Variants in SRPK2 observed in about 807,000 individuals in gnomAD.
SRPK2 encodes the protein SRSF protein kinase 2.
In SRPK2, 21 loss-of-function variants were observed where a neutral mutation model predicts 90.8. That is an observed-to-expected ratio of 0.23 (90% CI 0.16 to 0.33). The LOEUF is 0.33. Among genes scored for constraint, SRPK2 ranks in the 10% least tolerant of loss-of-function variants. SRPK2 has a pLI of 1.00. For missense variants in SRPK2, 620 were observed against 869.0 expected, an observed-to-expected ratio of 0.71 and a Z score of 3.60; for synonymous variants, 288 against 311.1, an observed-to-expected ratio of 0.93 and a Z score of 0.78.
At chr7:105,370,915 C>T (rs1181767690) in intron 2 of SRPK2, among the ~76,000 whole-genome samples, 1 of 151,748 alleles carries the variant, frequency 6.6e-6, no homozygotes, top group Non-Finnish European at 1.5e-5. Flanking sequence ...TGCGCCCGGC[C>T]GGATTATTAA....
At chr7:105,392,686 C>T (rs1157475658), upstream of SRPK2, among the ~76,000 whole-genome samples, 2 of 151,460 alleles carry the variant, frequency 1.3e-5, no homozygotes, top group East Asian at 2.0e-4. Context: ...TTAGTAGACA[C>T]GGGTTTTCAC....
At chr7:105,139,234 G>A (rs982172725) in intron 11 of SRPK2, among the ~76,000 whole-genome samples, 19 of 152,140 alleles carry the variant, frequency 1.2e-4, no homozygotes, top group African/African-American at 4.6e-4. Context: ...GGAAGGGCAT[G>A]CTGAAAGGCA....
chr7:105,196,566 C>A (rs1252843911), intron 3 of SRPK2, among the ~76,000 whole-genome samples: 4 of 152,178 alleles, frequency 2.6e-5, no homozygotes, highest in African/African-American at 4.8e-5. Flanking sequence ...CAGCCCGTCA[C>A]GGCAAGCAAA....
rs554151046 is a variant in SRPK2 at position 105,370,804 on chromosome 7, C to G, written c.71+17844G>C. ...CTAATTTTTTGTATTTTAGTAGAGA[C>G]AGGGTTTTACCATGTTGCCCAGGCT... is the stretch of plus-strand genomic sequence containing the variant. On this transcript the variant is annotated intron_variant, in intron 2 of 15. Transcript: ENST00000393651. Among the ~76,000 whole-genome samples, 14 of 151,898 alleles carry G rather than the reference C, an allele frequency of 9.2e-5. No individual in the cohort carries two copies. In the East Asian group the frequency reaches 2.1e-3, roughly 23 times the overall value.
chr7:105,161,536 C>T (rs1807661217), intron 6 of SRPK2, among the ~76,000 whole-genome samples: 1 of 152,086 alleles, frequency 6.6e-6, no homozygotes. Flanking sequence ...TTAGAAAGTG[C>T]CAGGTGGCTG....
chr7:105,281,409 C>T (rs1298581744), intron 2 of SRPK2, among the ~76,000 whole-genome samples: 1 of 152,112 alleles, frequency 6.6e-6, no homozygotes, highest in Non-Finnish European at 1.5e-5. Flanking sequence ...TAACTTTCAA[C>T]TGCAAAAACC....
At chr7:105,196,234 A>G (rs76242148) in intron 3 of SRPK2, among the ~76,000 whole-genome samples, 2,042 of 152,348 alleles carry the variant, frequency 0.013, 50 homozygotes, top group African/African-American at 0.046. Flanking sequence ...GCTTGAATTA[A>G]GCCAAATTAA....
At chr7:105,257,744 A>G (rs1041705027) in intron 2 of SRPK2, among the ~76,000 whole-genome samples, 2 of 152,218 alleles carry the variant, frequency 1.3e-5, no homozygotes, top group Non-Finnish European at 2.9e-5. Context: ...TGGAGACACA[A>G]AGATTCCTTT....
At chr7:105,177,895 G>A (rs558340123) in intron 3 of SRPK2, among the ~76,000 whole-genome samples, 134 of 151,884 alleles carry the variant, frequency 8.8e-4, no homozygotes, top group Non-Finnish European at 1.4e-3. Flanking sequence ...TGGGCATAGT[G>A]GCGGGCGCCT....
chr7:105,221,384 T>C (rs1415180020), intron 2 of SRPK2, among the ~76,000 whole-genome samples: 1 of 152,204 alleles, frequency 6.6e-6, no homozygotes, highest in East Asian at 1.9e-4. Flanking sequence ...GATACCCACT[T>C]TTCTCACCAA....
chr7:105,145,249 T>C, intron 9 of SRPK2, 34 bp downstream of exon 9: 1 of 1,537,432 alleles, frequency 6.5e-7, no homozygotes, highest in Non-Finnish European at 8.8e-7. Context: ...TCTTTTAACA[T>C]GGTGCATATA....
At chr7:105,181,149 A>G (rs1303361657) in intron 3 of SRPK2, among the ~76,000 whole-genome samples, 3 of 152,246 alleles carry the variant, frequency 2.0e-5, no homozygotes, top group Admixed American at 6.5e-5. Context: ...AGAGAAATGC[A>G]AATTGAAACC....
intron 13 of SRPK2, among the ~76,000 whole-genome samples, chr7:105,132,275 G>A (rs1000069297): frequency 1.3e-5 from 2 of 152,344 alleles, no homozygotes; most frequent in East Asian, 3.9e-4. Flanking sequence ...TAAGGGAAGA[G>A]AGATTATGCA....
chr7:105,126,131 G>T, intron 15 of SRPK2, 117 bp downstream of exon 15: 1 of 874,986 alleles, frequency 1.1e-6, no homozygotes. Context: ...TAGGAATTCT[G>T]CTGGGTTGCG....
At chr7:105,153,371 T>C (rs1469427422) in intron 7 of SRPK2, among the ~76,000 whole-genome samples, 1 of 152,160 alleles carries the variant, frequency 6.6e-6, no homozygotes, top group Non-Finnish European at 1.5e-5. Context: ...ATAAGGGGCT[T>C]GGTTAAAATG....
chr7:105,249,078 A>C (rs1396455579), intron 2 of SRPK2, among the ~76,000 whole-genome samples: 2 of 152,224 alleles, frequency 1.3e-5, no homozygotes, highest in South Asian at 2.1e-4. Context: ...TTCTTGAGGC[A>C]TATAAATGGA....
chr7:105,240,899 G>C (rs1025303808), intron 2 of SRPK2, among the ~76,000 whole-genome samples: 1 of 152,124 alleles, frequency 6.6e-6, no homozygotes, highest in Non-Finnish European at 1.5e-5. Flanking sequence ...TCAGTACTAT[G>C]CCAGTTCACA....
chr7:105,279,656 T>C (rs1250447536), intron 2 of SRPK2, among the ~76,000 whole-genome samples: 1 of 152,244 alleles, frequency 6.6e-6, no homozygotes, highest in African/African-American at 2.4e-5. Flanking sequence ...AATACAACAA[T>C]GTATTAAATA....
chr7:105,391,988 G>A (rs748304983), upstream of SRPK2, among the ~76,000 whole-genome samples: 13 of 152,158 alleles, frequency 8.5e-5, no homozygotes, highest in Admixed American at 2.0e-4. Context: ...AACAAATTGC[G>A]GTATATACAT....
Sources: gnomAD v4.1 joint callset for allele counts (sites outside exome capture counted in the v4.1 genomes callset) on GRCh38, gnomAD v4.1.1 for gene constraint, MANE v1.5 for transcripts, NCBI Gene and HGNC (gene_info 2026-07-23, HGNC 2026-07-21) for gene names.